CSMD3: variants seen among roughly 807,000 people sequenced by gnomAD.
CSMD3 encodes CUB and Sushi multiple domains 3.
Under a neutral mutation model 435.2 loss-of-function variants are expected in CSMD3, and 177 were observed. The observed-to-expected ratio is 0.41, with a 90% CI of 0.36 to 0.46. The LOEUF (loss-of-function observed/expected upper bound fraction) is 0.46, where lower values mean the gene tolerates loss of function less well. CSMD3 is among the 20% of genes least tolerant of loss of function. CSMD3 has a pLI of 0.34. For synonymous variants in CSMD3, 1,656 were observed against 1,520.5 expected, an observed-to-expected ratio of 1.09 and a Z score of -2.07; for missense variants, 4,265 against 4,504.6, an observed-to-expected ratio of 0.95 and a Z score of 1.52.
chr8:112,462,904 C>G (rs1321951265), intron 32 of CSMD3, among the ~76,000 whole-genome samples: 3 of 152,190 alleles, frequency 2.0e-5, no homozygotes, highest in Non-Finnish European at 2.9e-5. Context: ...CCCACTGCTA[C>G]TCCATAATCA....
At chr8:113,161,668 T>G (rs988702091) in intron 4 of CSMD3, among the ~76,000 whole-genome samples, 6 of 152,142 alleles carry the variant, frequency 3.9e-5, no homozygotes, top group African/African-American at 1.4e-4. Flanking sequence ...CATTATGTCA[T>G]AAGAACATAT....
intron 2 of CSMD3, among the ~76,000 whole-genome samples, chr8:113,289,624 G>T (rs1453668373): frequency 6.6e-6 from 1 of 151,418 alleles, no homozygotes; most frequent in Non-Finnish European, 1.5e-5. Context: ...TACAATTACT[G>T]AGATTGAGTC....
intron 6 of CSMD3, among the ~76,000 whole-genome samples, chr8:113,008,349 C>A (rs1359999264): frequency 6.6e-6 from 1 of 151,704 alleles, no homozygotes; most frequent in Non-Finnish European, 1.5e-5. Context: ...ATCATGTTCT[C>A]TCAGTGTATT....
At chr8:112,434,544 G>T (rs1253651595) in intron 32 of CSMD3, among the ~76,000 whole-genome samples, 4 of 151,914 alleles carry the variant, frequency 2.6e-5, no homozygotes, top group African/African-American at 9.7e-5. Context: ...ATGCTGTATT[G>T]TTATTAATAT....
At chr8:113,124,410 A>G (rs1462360147) in intron 4 of CSMD3, among the ~76,000 whole-genome samples, 1 of 151,948 alleles carries the variant, frequency 6.6e-6, no homozygotes, top group Non-Finnish European at 1.5e-5. Context: ...ACATCATTGT[A>G]TAATAATAAA....
intron 49 of CSMD3, among the ~76,000 whole-genome samples, chr8:112,312,409 C>T (rs547986075): frequency 6.6e-6 from 1 of 152,124 alleles, no homozygotes; most frequent in East Asian, 1.9e-4. Context: ...TGCCCACCAC[C>T]ATGCCCAGCT....
At chr8:113,014,407 C>A (rs991450465) in intron 6 of CSMD3, among the ~76,000 whole-genome samples, 1 of 152,040 alleles carries the variant, frequency 6.6e-6, no homozygotes, top group Non-Finnish European at 1.5e-5. Flanking sequence ...GCCTCATATG[C>A]CTACCGCTTG....
intron 24 of CSMD3, among the ~76,000 whole-genome samples, chr8:112,559,456 C>G (rs1410605078): frequency 2.0e-5 from 3 of 151,706 alleles, no homozygotes; most frequent in Non-Finnish European, 4.4e-5. Flanking sequence ...CTATGAAGCC[C>G]CTGGCCACTT....
At chr8:112,752,832 A>G (rs1218053173) in intron 13 of CSMD3, among the ~76,000 whole-genome samples, 1 of 152,102 alleles carries the variant, frequency 6.6e-6, no homozygotes, top group African/African-American at 2.4e-5. Flanking sequence ...AAAATAGTTT[A>G]TAAATGTTTC....
intron 13 of CSMD3, among the ~76,000 whole-genome samples, chr8:112,780,845 C>T (rs543666709): frequency 1.3e-4 from 20 of 151,896 alleles, no homozygotes; most frequent in South Asian, 1.0e-3. Flanking sequence ...CTACCATAGG[C>T]GAAAGTGGTC....
rs2130687414 is a variant in CSMD3, at chr8:112,292,536, C to T, written c.8788+1G>A. 1 of 1,613,576 alleles carries T rather than the reference C, an allele frequency of 6.2e-7. No homozygotes were observed. Among genetic ancestry groups the T allele is most frequent in the Non-Finnish European group, 8.5e-7 (1 of 1,179,600 alleles). On this transcript the variant is annotated splice_donor_variant, in intron 55 of 70. Coordinates refer to ENST00000297405, the MANE Select transcript of CSMD3 (RefSeq NM_198123.2). LOFTEE classifies it high-confidence loss of function. ...AAATGGGAATATACTTAGACATTTA[C>T]CTTTGCACATAGGTGGAGGATGGCT... is the stretch of plus-strand genomic sequence containing the variant.
chr8:113,208,462 G>C (rs1389366088), intron 3 of CSMD3, among the ~76,000 whole-genome samples: 2 of 152,058 alleles, frequency 1.3e-5, no homozygotes, highest in African/African-American at 4.8e-5. Context: ...AGTATTTTGA[G>C]AACTATCTGG....
intron 23 of CSMD3, 23 bp downstream of exon 23, chr8:112,587,043 C>G (rs1830789025): frequency 1.3e-6 from 2 of 1,566,484 alleles, no homozygotes; most frequent in African/African-American, 1.4e-5. Context: ...GAACAATATA[C>G]AAGTATGTCT....
intron 44 of CSMD3, among the ~76,000 whole-genome samples, chr8:112,335,767 G>A (rs1414367797): frequency 6.9e-6 from 1 of 144,530 alleles, no homozygotes; most frequent in Non-Finnish European, 1.5e-5. Context: ...AAACTCTGAT[G>A]CTTTTAAATG....
chr8:113,217,659 C>A (rs1199767565), intron 3 of CSMD3, among the ~76,000 whole-genome samples: 3 of 151,118 alleles, frequency 2.0e-5, no homozygotes, highest in Non-Finnish European at 4.4e-5. Flanking sequence ...ATCATTTAAC[C>A]TGAAGAACAG....
At chr8:113,175,510 T>A (rs953346977) in intron 3 of CSMD3, among the ~76,000 whole-genome samples, 2 of 151,990 alleles carry the variant, frequency 1.3e-5, no homozygotes, top group African/African-American at 4.8e-5. Context: ...TCTAATTTTT[T>A]ATTTTGTTAT....
At chr8:112,617,964 T>C (rs1248291549) in intron 22 of CSMD3, among the ~76,000 whole-genome samples, 1 of 152,104 alleles carries the variant, frequency 6.6e-6, no homozygotes, top group Non-Finnish European at 1.5e-5. Context: ...CTCCTTTATG[T>C]ACCTCTTTGC....
At position 112,972,273 on chromosome 8, in the gene CSMD3, A is replaced by G. The variant is rs185955626; in HGVS notation, c.1342+3564T>C. On this transcript the variant is annotated intron_variant, in intron 7 of 70. Coordinates refer to ENST00000297405, the MANE Select transcript of CSMD3 (RefSeq NM_198123.2). ...AATTAAAAATATTAAATTATTACAT[A>G]CTGCAAAATAGCATGAACTTGCAGA... 1.7e-4 allele frequency among the ~76,000 whole-genome samples: 26 copies of G among 152,066 alleles called. No individual in the cohort carries two copies. In the East Asian group the frequency reaches 4.6e-3, roughly 27 times the overall value.
At chr8:113,189,827 C>G (rs1178334653) in intron 3 of CSMD3, among the ~76,000 whole-genome samples, 1 of 151,710 alleles carries the variant, frequency 6.6e-6, no homozygotes, top group African/African-American at 2.4e-5. Context: ...AGGAGAACAT[C>G]AATAATTATA....
Sources: gnomAD v4.1 joint callset for allele counts (sites outside exome capture counted in the v4.1 genomes callset) on GRCh38, gnomAD v4.1.1 for gene constraint, MANE v1.5 for transcripts, NCBI Gene and HGNC (gene_info 2026-07-23, HGNC 2026-07-21) for gene names.